Variants in ART3 observed in about 807,000 individuals in gnomAD.
ART3 encodes the protein ADP-ribosyltransferase 3 (inactive), also known as ecto-ADP-ribosyltransferase 3.
ART3 carries 49 observed loss-of-function variants against 48.5 expected under a neutral mutation model. The ratio of observed to expected loss-of-function variants is 1.01; its 90% CI spans 0.80 to 1.28. The LOEUF (loss-of-function observed/expected upper bound fraction) is 1.28. Ranked by LOEUF, ART3 falls within the 50% of genes most tolerant of loss-of-function variation. The probability of loss-of-function intolerance (pLI) is 0.00; values close to 1 mark genes in which losing one functional copy is unlikely to be tolerated. For missense variants in ART3, 438 were observed against 454.3 expected, an observed-to-expected ratio of 0.96 and a Z score of 0.33; for synonymous variants, 145 against 157.2, an observed-to-expected ratio of 0.92 and a Z score of 0.58.
At chr4:76,060,931 T>C (rs747244342) in intron 1 of ART3, among the ~76,000 whole-genome samples, 3 of 152,178 alleles carry the variant, frequency 2.0e-5, no homozygotes, top group Non-Finnish European at 4.4e-5. Flanking sequence ...AGCAAAGAAA[T>C]TGATTCTCTT....
upstream of ART3, among the ~76,000 whole-genome samples, chr4:76,071,099 C>T (rs1302819245): frequency 6.6e-6 from 1 of 151,950 alleles, no homozygotes; most frequent in African/African-American, 2.4e-5. Context: ...CCTATAATCT[C>T]AGCACTTTGG....
At chr4:76,064,212 C>T (rs13130917) in intron 1 of ART3, among the ~76,000 whole-genome samples, 30,640 of 152,124 alleles carry the variant, frequency 0.2, 3,890 homozygotes, top group East Asian at 0.4. Context: ...AATAGAAGCA[C>T]ATTAGGTACA....
At chr4:76,025,251 T>G (rs532743724) in intron 1 of ART3, among the ~76,000 whole-genome samples, 3 of 152,174 alleles carry the variant, frequency 2.0e-5, no homozygotes, top group Non-Finnish European at 4.4e-5. Flanking sequence ...TTACTGTGAA[T>G]AGAATGCCAA....
intron 3 of ART3, among the ~76,000 whole-genome samples, chr4:76,097,408 T>C (rs1726254795): frequency 2.0e-5 from 3 of 151,958 alleles, no homozygotes; most frequent in African/African-American, 7.3e-5. Flanking sequence ...GGTCTCCCTA[T>C]GTTGCCCAGG....
intron 3 of ART3, among the ~76,000 whole-genome samples, chr4:76,086,984 C>T (rs756435236): frequency 1.3e-5 from 2 of 152,226 alleles, no homozygotes; most frequent in Non-Finnish European, 2.9e-5. Flanking sequence ...ATCAGCATAG[C>T]ACAGCCAAAA....
At chr4:76,050,658 A>G (rs1248224097) in intron 1 of ART3, among the ~76,000 whole-genome samples, 1 of 151,900 alleles carries the variant, frequency 6.6e-6, no homozygotes, top group Non-Finnish European at 1.5e-5. Context: ...GTGTGCCCGC[A>G]CTCCTCAGCC....
chr4:76,107,862 A>G, intron 11 of ART3, 69 bp downstream of exon 11: 1 of 1,280,646 alleles, frequency 7.8e-7, no homozygotes, highest in Non-Finnish European at 1.1e-6. Flanking sequence ...TGAGAAATTT[A>G]TTTTTCCTCA....
intron 7 of ART3, 57 bp from the exon 8 acceptor site, chr4:76,100,933 A>G: frequency 6.2e-7 from 1 of 1,607,430 alleles, no homozygotes; most frequent in Non-Finnish European, 8.5e-7. Context: ...TAGCTATAGT[A>G]ACTGCCAATT....
chr4:76,036,663 T>C (rs1389610588), intron 1 of ART3: 1 of 108,302 alleles, frequency 9.2e-6, no homozygotes, highest in Non-Finnish European at 1.8e-5. Context: ...TGCTTTATTT[T>C]ATTTTTAAAT....
chr4:76,016,468 A>G (rs961802724), intron 1 of ART3, among the ~76,000 whole-genome samples: 4 of 152,136 alleles, frequency 2.6e-5, no homozygotes, highest in African/African-American at 9.7e-5. Flanking sequence ...GGGTGGGGTG[A>G]CACCAAGCAC....
At chr4:76,104,281 T>C (rs548256075) in intron 9 of ART3, 27 of 903,142 alleles carry the variant, frequency 3.0e-5, no homozygotes, top group Middle Eastern at 5.6e-4. Flanking sequence ...AGTTATTCAA[T>C]AGAAACCTAC....
At chr4:76,088,133 G>T (rs1156454156) in intron 3 of ART3, among the ~76,000 whole-genome samples, 1 of 152,108 alleles carries the variant, frequency 6.6e-6, no homozygotes, top group African/African-American at 2.4e-5. Flanking sequence ...TAAATACCTG[G>T]TGGGAAGCCA....
intron 1 of ART3, chr4:76,023,270 T>C: frequency 2.3e-6 from 2 of 869,894 alleles, no homozygotes; most frequent in East Asian, 2.6e-5. Context: ...TTTATAAGCA[T>C]GCAGTGAAAC....
intron 2 of ART3, among the ~76,000 whole-genome samples, chr4:76,078,459 G>A (rs1371630907): frequency 1.3e-5 from 2 of 152,094 alleles, no homozygotes; most frequent in East Asian, 3.9e-4. Context: ...GTGCTGTGGA[G>A]GAAAGTGCAT....
intron 11 of ART3, among the ~76,000 whole-genome samples, chr4:76,111,588 G>C (rs1729493048): frequency 6.6e-6 from 1 of 152,016 alleles, no homozygotes; most frequent in Non-Finnish European, 1.5e-5. Context: ...TATCACCCAG[G>C]ATGGAGTGCA....
chr4:76,095,206 C>G (rs1412999568), intron 3 of ART3, among the ~76,000 whole-genome samples: 1 of 152,072 alleles, frequency 6.6e-6, no homozygotes, highest in East Asian at 1.9e-4. Flanking sequence ...AACAAAATGA[C>G]TCTGTGTTAA....
intron 1 of ART3, among the ~76,000 whole-genome samples, chr4:76,061,743 G>T (rs934581937): frequency 6.6e-6 from 1 of 152,152 alleles, no homozygotes; most frequent in African/African-American, 2.4e-5. Flanking sequence ...TGCCATCAGT[G>T]CCTTGTACAT....
chr4:76,059,006 A>G (rs1230441668), intron 1 of ART3, among the ~76,000 whole-genome samples: 1 of 152,240 alleles, frequency 6.6e-6, no homozygotes, highest in Non-Finnish European at 1.5e-5. Context: ...TTATCTGAGC[A>G]TAGGTTGAAC....
At chr4:76,040,307 C>T (rs953918128) in intron 1 of ART3, among the ~76,000 whole-genome samples, 3 of 151,968 alleles carry the variant, frequency 2.0e-5, no homozygotes, top group African/African-American at 7.3e-5. Flanking sequence ...CCTGGGTGAC[C>T]CAGAGAGACT....
Sources: allele counts gnomAD v4.1 joint callset (sites outside exome capture counted in the v4.1 genomes callset), GRCh38; gene constraint gnomAD v4.1.1; transcripts MANE v1.5; gene names NCBI Gene and HGNC (gene_info 2026-07-23, HGNC 2026-07-21).